The following GALNTL6 variants were observed in gnomAD, a reference collection of about 807,000 sequenced individuals.
The protein encoded by GALNTL6 is polypeptide N-acetylgalactosaminyltransferase like 6.
Under a neutral mutation model 73.7 loss-of-function variants are expected in GALNTL6, and 46 were observed. That is an observed-to-expected ratio of 0.62 (90% CI 0.49 to 0.80). The LOEUF (loss-of-function observed/expected upper bound fraction) is 0.80, where lower values mean the gene tolerates loss of function less well. GALNTL6 is among the 30% of genes least tolerant of loss of function. The pLI is 0.00. For missense variants in GALNTL6, 604 were observed against 755.0 expected (o/e 0.80, Z 2.34); for synonymous variants, 259 against 263.7 (o/e 0.98, Z 0.17).
intron 2 of GALNTL6, among the ~76,000 whole-genome samples, chr4:171,903,744 G>C (rs9685877): frequency 2.0e-5 from 3 of 151,630 alleles, no homozygotes; most frequent in Non-Finnish European, 4.4e-5. Flanking sequence ...AAATGTCCCC[G>C]TCTGACAGCT....
At chr4:172,623,695 G>A (rs1300048434) in intron 5 of GALNTL6, among the ~76,000 whole-genome samples, 1 of 152,026 alleles carries the variant, frequency 6.6e-6, no homozygotes, top group Non-Finnish European at 1.5e-5. Context: ...ATTCTTGGCT[G>A]ACATTCTACC....
At chr4:172,427,999 G>A (rs1478095232) in intron 5 of GALNTL6, among the ~76,000 whole-genome samples, 1 of 152,114 alleles carries the variant, frequency 6.6e-6, no homozygotes, top group Non-Finnish European at 1.5e-5. Flanking sequence ...TTACCCTGCA[G>A]TATCTATTTG....
At chr4:172,451,043 T>C (rs1021594990) in intron 5 of GALNTL6, among the ~76,000 whole-genome samples, 6 of 152,228 alleles carry the variant, frequency 3.9e-5, no homozygotes, top group African/African-American at 1.4e-4. Flanking sequence ...GCCCAGACTC[T>C]GTTCAGCACA....
In GALNTL6 at chr4:173,011,882, G is replaced by A. The variant is rs139486380; in HGVS notation, c.1488+2588G>A. The stretch of plus-strand genomic sequence containing the variant: ...AAGGGAAAAGATAGTGGGCAAAATT[G>A]CCTTTGCTCTCTTTTAGCGTTTTCG... On this transcript the variant is annotated intron_variant, in intron 11 of 12. Transcript: ENST00000506823. 9.1e-4 allele frequency among the ~76,000 whole-genome samples: 139 copies of A among 152,258 alleles called. 1 individual carries two copies. Among genetic ancestry groups the A allele is most frequent in the African/African-American group, 2.8e-3 (118 of 41,546 alleles).
intron 2 of GALNTL6, among the ~76,000 whole-genome samples, chr4:171,925,564 C>A (rs1413884705): frequency 6.6e-6 from 1 of 152,090 alleles, no homozygotes; most frequent in African/African-American, 2.4e-5. Context: ...AAAGAAGCAA[C>A]CTTACTTAGA....
rs958025578 is a variant in GALNTL6 at position 172,270,604 on chromosome 4, C to T, written c.247+40840C>T. On this transcript the variant is annotated intron_variant, in intron 3 of 12. Transcript: ENST00000506823. ...TGACAGAACCTGGGACAAGCACTTTCGTAGACTCAGAGCTGTGGGAATAGG... is the reference window on the plus strand; with the variant it reads ...TGACAGAACCTGGGACAAGCACTTTTGTAGACTCAGAGCTGTGGGAATAGG... Among the ~76,000 whole-genome samples the T allele has an allele frequency of 6.6e-5, 10 of 152,254 alleles. No homozygotes were observed. The South Asian group carries it at 1.9e-3, about 28-fold the overall frequency.
intron 8 of GALNTL6, among the ~76,000 whole-genome samples, chr4:172,922,635 C>G (rs981504896): frequency 6.6e-6 from 1 of 152,126 alleles, no homozygotes; most frequent in Non-Finnish European, 1.5e-5. Flanking sequence ...TTGTGTGAAG[C>G]AACACTAAAT....
intron 2 of GALNTL6, among the ~76,000 whole-genome samples, chr4:171,835,670 AAT>A (rs1172769662): frequency 1.3e-5 from 2 of 152,026 alleles, no homozygotes; most frequent in Non-Finnish European, 2.9e-5. Context: ...GAAAAGTGAA[AAT>A]AGTCATGTAT....
rs757767799 is a variant in GALNTL6, at chr4:172,572,265, G to A, written c.553+223576G>A. On this transcript the variant is annotated intron_variant, in intron 5 of 12. Coordinates refer to ENST00000506823, the MANE Select transcript of GALNTL6 (RefSeq NM_001034845.3). ...TACTGCCTTCCAAGTGTCATTTCTG[G>A]AAGATAATGATGATAATAACTAGCA... 8.5e-5 allele frequency among the ~76,000 whole-genome samples: 13 copies of A among 152,170 alleles called. No homozygotes were observed. In the South Asian group the frequency reaches 1.7e-3, roughly 19 times the overall value.
chr4:172,964,463 G>A (rs903167764), intron 10 of GALNTL6, among the ~76,000 whole-genome samples: 1 of 152,256 alleles, frequency 6.6e-6, no homozygotes, highest in African/African-American at 2.4e-5. Context: ...GTCACCTTGC[G>A]ATTGTGCAAA....
chr4:172,285,371 A>G (rs1052068815), intron 3 of GALNTL6, among the ~76,000 whole-genome samples: 8 of 152,220 alleles, frequency 5.3e-5, no homozygotes, highest in African/African-American at 1.9e-4. Flanking sequence ...AAAATAAATT[A>G]CATTGATACC....
intron 5 of GALNTL6, among the ~76,000 whole-genome samples, chr4:172,533,098 A>G (rs1214200934): frequency 4.8e-5 from 7 of 144,966 alleles, no homozygotes; most frequent in Non-Finnish European, 9.0e-5. Flanking sequence ...CACAACCTCC[A>G]CCTCCTGGGT....
chr4:172,478,089 C>T (rs1733304374), intron 5 of GALNTL6, among the ~76,000 whole-genome samples: 2 of 152,014 alleles, frequency 1.3e-5, no homozygotes, highest in African/African-American at 4.8e-5. Context: ...TTCTAATTAC[C>T]ATTACTACAA....
intron 5 of GALNTL6, among the ~76,000 whole-genome samples, chr4:172,611,507 C>G (rs1738525267): frequency 6.6e-6 from 1 of 152,078 alleles, no homozygotes. Flanking sequence ...CTCTCAATCT[C>G]TTCTGGCTTG....
chr4:172,584,192 C>T (rs1737316567), intron 5 of GALNTL6, among the ~76,000 whole-genome samples: 1 of 151,848 alleles, frequency 6.6e-6, no homozygotes, highest in Admixed American at 6.6e-5. Flanking sequence ...ACAACCAAGA[C>T]ATTTCAGCTT....
In GALNTL6 at chr4:173,040,068, T is replaced by C. The variant is rs1450755405; in HGVS notation, c.1774T>C (p.Leu592=). 4 of 1,613,042 alleles carry C rather than the reference T, an allele frequency of 2.5e-6. No individual in the cohort carries two copies. Among genetic ancestry groups the C allele is most frequent in the Non-Finnish European group, 3.4e-6 (4 of 1,179,370 alleles). The part of the protein sequence containing the change: ...WIFEHINMTV[L]EKFNHHANS Reference sequence around the variant, plus strand: ...TTTTGAACACATTAATATGACTGTTTTAGAAAAATTTAACCACCATGCCAA... The same window carrying C: ...TTTTGAACACATTAATATGACTGTTCTAGAAAAATTTAACCACCATGCCAA... Residue 592 remains leucine, a synonymous_variant, in exon 13 of 13, where the codon TTA becomes CTA. Coordinates refer to ENST00000506823, the MANE Select transcript of GALNTL6 (RefSeq NM_001034845.3).
chr4:172,446,719 A>T (rs896423406), intron 5 of GALNTL6, among the ~76,000 whole-genome samples: 2 of 152,170 alleles, frequency 1.3e-5, no homozygotes, highest in Non-Finnish European at 2.9e-5. Context: ...AAAAGTATTT[A>T]AAGCTACATA....
chr4:172,231,408 A>C (rs1737067248), intron 3 of GALNTL6, among the ~76,000 whole-genome samples: 1 of 152,212 alleles, frequency 6.6e-6, no homozygotes, highest in Admixed American at 6.5e-5. Context: ...ATTATCCCAA[A>C]TTAAGTAAAA....
chr4:172,738,422 G>A (rs763186092), intron 5 of GALNTL6, among the ~76,000 whole-genome samples: 8 of 152,092 alleles, frequency 5.3e-5, no homozygotes, highest in Admixed American at 4.6e-4. Flanking sequence ...GTTGGTGTTT[G>A]TTGTAATGGG....
Sources: gnomAD v4.1 joint callset for allele counts (sites outside exome capture counted in the v4.1 genomes callset) on GRCh38, gnomAD v4.1.1 for gene constraint, MANE v1.5 for transcripts, NCBI Gene and HGNC (gene_info 2026-07-23, HGNC 2026-07-21) for gene names.